CCDC12: variants seen among roughly 807,000 people sequenced by gnomAD.
CCDC12 encodes the protein coiled-coil domain containing 12, also known as coiled-coil domain-containing protein 12.
A neutral mutation model predicts 25.7 loss-of-function variants in CCDC12; 28 were observed. That is an observed-to-expected ratio of 1.09 (90% CI 0.81 to 1.50). CCDC12 has a LOEUF of 1.50. Ranked by LOEUF, CCDC12 falls within the 40% of genes most tolerant of loss-of-function variation. The pLI, the probability that CCDC12 is intolerant of heterozygous loss-of-function variation, is 0.00. For synonymous variants in CCDC12, 75 were observed against 87.7 expected, an observed-to-expected ratio of 0.86 and a Z score of 0.81; for missense variants, 198 against 210.0, an observed-to-expected ratio of 0.94 and a Z score of 0.35.
intron 1 of CCDC12, chr3:46,976,031 A>T (rs1359064415): frequency 6.6e-6 from 1 of 152,024 alleles, no homozygotes; most frequent in Non-Finnish European, 1.5e-5. Flanking sequence ...TTTTTAGTAG[A>T]GGCGGGGTTT....
intron 2 of CCDC12, among the ~76,000 whole-genome samples, chr3:46,937,370 C>A (rs1259783399): frequency 2.0e-5 from 3 of 152,212 alleles, no homozygotes; most frequent in Non-Finnish European, 2.9e-5. Flanking sequence ...TGAAAGCACC[C>A]CTGAGTGGGC....
At chr3:46,938,528 T>G (rs1037755857) in intron 2 of CCDC12, among the ~76,000 whole-genome samples, 3 of 145,440 alleles carry the variant, frequency 2.1e-5, no homozygotes, top group Non-Finnish European at 3.0e-5. Flanking sequence ...GTTTTTTTTT[T>G]TTTTTTTTTT....
chr3:46,940,052 A>G (rs894162702), intron 2 of CCDC12, among the ~76,000 whole-genome samples: 2 of 152,210 alleles, frequency 1.3e-5, no homozygotes, highest in African/African-American at 4.8e-5. Context: ...AAAGACACAC[A>G]GTCTGGCCCC....
At chr3:46,962,153 G>C (rs55633581) in intron 1 of CCDC12, among the ~76,000 whole-genome samples, 2 of 152,054 alleles carry the variant, frequency 1.3e-5, no homozygotes, top group Non-Finnish European at 2.9e-5. Flanking sequence ...TCAATTTTGG[G>C]CCAGGTGAGG....
upstream of CCDC12, among the ~76,000 whole-genome samples, chr3:46,977,805 C>T (rs1461042386): frequency 6.6e-6 from 1 of 152,234 alleles, no homozygotes; most frequent in Non-Finnish European, 1.5e-5. Context: ...TGCCCCCAAT[C>T]CCCAGCTTAG....
intron 2 of CCDC12, among the ~76,000 whole-genome samples, chr3:46,926,329 GA>G (rs899922840): frequency 6.6e-6 from 1 of 152,182 alleles, no homozygotes; most frequent in Non-Finnish European, 1.5e-5. Context: ...TGAGGGCTGT[GA>G]AAATAGGCAT....
chr3:46,964,373 T>TG (rs1559564267), intron 1 of CCDC12, among the ~76,000 whole-genome samples: 1 of 149,544 alleles, frequency 6.7e-6, no homozygotes, highest in African/African-American at 2.5e-5. Flanking sequence ...GTCTGGGAGG[T>TG]GGGGGGCGCT....
chr3:46,955,524 G>C (rs1166267210), intron 1 of CCDC12, among the ~76,000 whole-genome samples: 1 of 152,296 alleles, frequency 6.6e-6, no homozygotes, highest in East Asian at 1.9e-4. Flanking sequence ...GGAAGATGCA[G>C]ACTGAGCGGT....
chr3:46,972,718 G>T (rs972671510), intron 1 of CCDC12, among the ~76,000 whole-genome samples: 1 of 150,000 alleles, frequency 6.7e-6, no homozygotes, highest in Admixed American at 6.7e-5. Flanking sequence ...AGGATCACTT[G>T]AACCCAGGAG....
intron 1 of CCDC12, among the ~76,000 whole-genome samples, chr3:46,942,964 G>C (rs961114302): frequency 6.6e-6 from 1 of 152,128 alleles, no homozygotes. Flanking sequence ...ACTGGGGTTG[G>C]GGGAGGGGGT....
intron 2 of CCDC12, among the ~76,000 whole-genome samples, chr3:46,938,168 G>A (rs1164882795): frequency 1.4e-5 from 2 of 141,980 alleles, no homozygotes; most frequent in Non-Finnish European, 3.1e-5. Context: ...TCAATGTCCA[G>A]CATGGTTGGT....
intron 1 of CCDC12, among the ~76,000 whole-genome samples, chr3:46,974,871 A>G (rs1026567713): frequency 6.6e-6 from 1 of 152,170 alleles, no homozygotes; most frequent in African/African-American, 2.4e-5. Context: ...AGATTATCCC[A>G]TTAGATCTCA....
At chr3:46,936,564 G>A (rs1256910852) in intron 2 of CCDC12, among the ~76,000 whole-genome samples, 1 of 152,116 alleles carries the variant, frequency 6.6e-6, no homozygotes, top group African/African-American at 2.4e-5. Context: ...GACTTGCCCA[G>A]GGTTAGAAAA....
chr3:46,939,567 G>T (rs1234044846), intron 2 of CCDC12, among the ~76,000 whole-genome samples: 1 of 152,180 alleles, frequency 6.6e-6, no homozygotes, highest in East Asian at 1.9e-4. Flanking sequence ...TGGCAAAGGA[G>T]CAACTAACTG....
intron 1 of CCDC12, among the ~76,000 whole-genome samples, chr3:46,967,553 C>T (rs2034677521): frequency 6.6e-6 from 1 of 152,192 alleles, no homozygotes; most frequent in Admixed American, 6.5e-5. Flanking sequence ...AGGTGGTGGT[C>T]TTCCCAGCCT....
intron 2 of CCDC12, among the ~76,000 whole-genome samples, chr3:46,926,505 T>G (rs1222793788): frequency 6.6e-6 from 1 of 152,184 alleles, no homozygotes; most frequent in Non-Finnish European, 1.5e-5. Context: ...CTCAGTCTTT[T>G]CAGGCAGGGG....
chr3:46,949,766 C>T (rs1365115195), intron 1 of CCDC12, among the ~76,000 whole-genome samples: 1 of 152,090 alleles, frequency 6.6e-6, no homozygotes, highest in African/African-American at 2.4e-5. Context: ...CAGTGGCTCA[C>T]GCCTGTAATC....
At chr3:46,971,121 G>A (rs2034791600) in intron 1 of CCDC12, among the ~76,000 whole-genome samples, 2 of 152,144 alleles carry the variant, frequency 1.3e-5, no homozygotes, top group South Asian at 4.1e-4. Flanking sequence ...CCTCTAAAAT[G>A]CTCCCTGGGA....
chr3:46,941,473 G>C (rs1690682375), intron 1 of CCDC12, among the ~76,000 whole-genome samples: 1 of 152,034 alleles, frequency 6.6e-6, no homozygotes, highest in Non-Finnish European at 1.5e-5. Context: ...GCTGAGGCAG[G>C]AGAATGGCGT....
Sources: allele counts gnomAD v4.1 joint callset (sites outside exome capture counted in the v4.1 genomes callset), GRCh38; gene constraint gnomAD v4.1.1; transcripts MANE v1.5; gene names NCBI Gene and HGNC (gene_info 2026-07-23, HGNC 2026-07-21).